Variants in COL5A2 observed in about 807,000 individuals in gnomAD.
COL5A2 encodes the protein collagen type V alpha 2 chain, also known as collagen alpha-2(V) chain.
COL5A2 carries 23 observed loss-of-function variants against 208.2 expected under a neutral mutation model. The observed-to-expected ratio is 0.11, with a 90% CI of 0.08 to 0.16. COL5A2 has a LOEUF of 0.16. Ranked by LOEUF, COL5A2 falls within the 10% of genes least tolerant of loss-of-function variation. The pLI, the probability that COL5A2 is intolerant of heterozygous loss-of-function variation, is 1.00. For synonymous variants in COL5A2, 625 were observed against 628.5 expected (o/e 0.99, Z 0.08); for missense variants, 1,590 against 1,956.4 (o/e 0.81, Z 3.53).
At chr2:189,277,381 T>C in the COL5A2 span, among the ~76,000 whole-genome samples, 1 of 152,122 alleles carries the variant, frequency 6.6e-6, no homozygotes. Flanking sequence ...AAAACAAGTA[T>C]GGCTTGTTTC....
At chr2:189,366,673 G>C in the COL5A2 span, among the ~76,000 whole-genome samples, 2 of 152,292 alleles carry the variant, frequency 1.3e-5, no homozygotes, top group African/African-American at 2.4e-5. Flanking sequence ...AAACCTATAA[G>C]ATGGCCTGAA....
chr2:189,276,776 T>C, the COL5A2 span, among the ~76,000 whole-genome samples: 1 of 152,176 alleles, frequency 6.6e-6, no homozygotes, highest in Non-Finnish European at 1.5e-5. Flanking sequence ...ATTTTCTCTT[T>C]TGCAATGATG....
the COL5A2 span, among the ~76,000 whole-genome samples, chr2:189,316,128 T>C: frequency 8.5e-5 from 13 of 152,126 alleles, 1 homozygote; most frequent in Non-Finnish European, 1.3e-4. Context: ...CTAAGGAAGA[T>C]AAATCACTCT....
intron 11 of COL5A2, 79 bp downstream of exon 11, chr2:189,085,081 A>G: frequency 8.7e-7 from 1 of 1,146,592 alleles, no homozygotes. Flanking sequence ...AATGGAAATT[A>G]ATACAGAACA....
chr2:189,297,111 TCTC>T, the COL5A2 span, among the ~76,000 whole-genome samples: 5 of 152,162 alleles, frequency 3.3e-5, no homozygotes, highest in African/African-American at 1.2e-4. Flanking sequence ...AAGAAACAAT[TCTC>T]CTCCAGTTTT....
the COL5A2 span, among the ~76,000 whole-genome samples, chr2:189,389,903 C>T: frequency 1.3e-5 from 2 of 152,152 alleles, no homozygotes; most frequent in Non-Finnish European, 2.9e-5. Flanking sequence ...GAAGATACTA[C>T]TGCATCTAGA....
chr2:189,198,515 C>T (rs1388543087), intron 1 of COL5A2, among the ~76,000 whole-genome samples: 2 of 152,034 alleles, frequency 1.3e-5, no homozygotes, highest in African/African-American at 4.8e-5. Context: ...GAAGAAAAGA[C>T]AGGGTAGAAA....
the COL5A2 span, among the ~76,000 whole-genome samples, chr2:189,350,916 TTC>T: frequency 6.6e-6 from 1 of 152,326 alleles, no homozygotes; most frequent in African/African-American, 2.4e-5. Context: ...TGAATTTTTT[TTC>T]TGACTTTGAA....
intron 33 of COL5A2, 86 bp from the exon 34 acceptor site, chr2:189,057,513 G>A (rs939145671): frequency 3.1e-6 from 3 of 961,340 alleles, no homozygotes; most frequent in Admixed American, 1.7e-5. Context: ...AAAAGTAGTT[G>A]TCAGCAATTT....
At chr2:189,187,762 G>A (rs542199655) in intron 1 of COL5A2, among the ~76,000 whole-genome samples, 15 of 152,278 alleles carry the variant, frequency 9.9e-5, no homozygotes, top group African/African-American at 3.4e-4. Flanking sequence ...CGAGTCAGGA[G>A]ATCGAGACCA....
rs115049857 is a variant in COL5A2 at position 189,194,348 on chromosome 2, T to C, written c.-42+30800A>G. Among the ~76,000 whole-genome samples the C allele has an allele frequency of 9.9e-3, 1,510 of 152,338 alleles. 30 individuals are homozygous for C. The highest frequency in any genetic ancestry group is 0.034 in the African/African-American group (1,399 of 41,578). On this transcript the variant is annotated intron_variant, in intron 1 of 10. Transcript: ENST00000649966. ...AATGCAGAAAATATTTAAAAAATCA[T>C]TTGACTAACAAACCCACTACCCTAA... is the stretch of plus-strand genomic sequence containing the variant.
chr2:189,147,366 T>C (rs1688059843), intron 1 of COL5A2, among the ~76,000 whole-genome samples: 1 of 152,066 alleles, frequency 6.6e-6, no homozygotes, highest in Admixed American at 6.6e-5. Context: ...GTCAATATGA[T>C]CCCCATTCAT....
chr2:189,373,771 TGCA>T, the COL5A2 span, among the ~76,000 whole-genome samples: 1 of 152,156 alleles, frequency 6.6e-6, no homozygotes, highest in Non-Finnish European at 1.5e-5. Flanking sequence ...CAAAAATGAA[TGCA>T]GCTGACAGAA....
chr2:189,085,104 T>A, intron 11 of COL5A2, 56 bp downstream of exon 11: 2 of 1,374,682 alleles, frequency 1.5e-6, no homozygotes, highest in Non-Finnish European at 2.1e-6. Context: ...CTTGTTAACA[T>A]TTTAACCCCT....
intron 3 of COL5A2, among the ~76,000 whole-genome samples, chr2:189,100,770 A>G (rs1687032098): frequency 6.6e-6 from 1 of 152,002 alleles, no homozygotes. Flanking sequence ...TAAGAAAATC[A>G]AAAACAACAT....
In COL5A2 at chr2:189,078,329, G is replaced by T. The variant is rs144190111; in HGVS notation, c.1059+187C>A. Among the ~76,000 whole-genome samples, 279 of 151,572 alleles carry T rather than the reference G, an allele frequency of 1.8e-3. 1 individual carries two copies. The highest frequency in any genetic ancestry group is 6.2e-3 in the African/African-American group (256 of 41,262). The stretch of plus-strand genomic sequence containing the variant: ...TTAACATTAAAGCAAAGGGAAGGTT[G>T]TTCAAGAATTCTCTGTACTTTCTTT... On this transcript the variant is annotated intron_variant, in intron 16 of 53. Coordinates refer to ENST00000374866, the MANE Select transcript of COL5A2 (RefSeq NM_000393.5).
At chr2:189,096,639 GA>G (rs970154879) in intron 6 of COL5A2, among the ~76,000 whole-genome samples, 75 of 133,682 alleles carry the variant, frequency 5.6e-4, no homozygotes, top group East Asian at 2.2e-4. Context: ...AAAAAAAAAA[GA>G]AAAAAAAAGT....
chr2:189,214,480 T>G (rs186233046), intron 1 of COL5A2, among the ~76,000 whole-genome samples: 1 of 152,092 alleles, frequency 6.6e-6, no homozygotes. Flanking sequence ...TACATACATA[T>G]AGGGAAAATT....
chr2:189,146,469 T>C (rs376582162), intron 1 of COL5A2, among the ~76,000 whole-genome samples: 87 of 152,222 alleles, frequency 5.7e-4, no homozygotes, highest in African/African-American at 1.8e-3. Flanking sequence ...TTTGCCAAAA[T>C]TGGATTTTCC....
Sources: allele counts gnomAD v4.1 joint callset (sites outside exome capture counted in the v4.1 genomes callset), GRCh38; gene constraint gnomAD v4.1.1; transcripts MANE v1.5; gene names NCBI Gene and HGNC (gene_info 2026-07-23, HGNC 2026-07-21).